The following PTPRD variants were observed in gnomAD, a reference collection of about 807,000 sequenced individuals.
The protein encoded by PTPRD is protein tyrosine phosphatase receptor type D, also known as receptor-type tyrosine-protein phosphatase delta.
Under a neutral mutation model 214.5 loss-of-function variants are expected in PTPRD, and 34 were observed. The observed-to-expected ratio is 0.16, with a 90% CI of 0.12 to 0.21. The LOEUF (loss-of-function observed/expected upper bound fraction) is 0.21. Among genes scored for constraint, PTPRD ranks in the 10% least tolerant of loss-of-function variants. PTPRD has a pLI of 1.00. For synonymous variants in PTPRD, 1,128 were observed against 845.7 expected, an observed-to-expected ratio of 1.33 and a Z score of -5.79; for missense variants, 2,545 against 2,398.7, an observed-to-expected ratio of 1.06 and a Z score of -1.27.
At chr9:8,888,958 T>C (rs2098514485) in intron 11 of PTPRD, among the ~76,000 whole-genome samples, 1 of 152,228 alleles carries the variant, frequency 6.6e-6, no homozygotes. Flanking sequence ...CCTTTCCTTA[T>C]AAGGTTATTG....
chr9:10,190,605 C>G (rs1160902500), intron 3 of PTPRD, among the ~76,000 whole-genome samples: 1 of 149,756 alleles, frequency 6.7e-6, no homozygotes, highest in Admixed American at 6.7e-5. Flanking sequence ...GTAATTCCAA[C>G]TGCTCGGGAG....
chr9:9,628,085 T>C (rs577891778), intron 7 of PTPRD, among the ~76,000 whole-genome samples: 2 of 152,336 alleles, frequency 1.3e-5, no homozygotes, highest in South Asian at 4.1e-4. Flanking sequence ...CCCACTTATA[T>C]TGTTTCTCAC....
chr9:9,680,524 C>A (rs1461285392), intron 7 of PTPRD, among the ~76,000 whole-genome samples: 1 of 151,626 alleles, frequency 6.6e-6, no homozygotes, highest in Non-Finnish European at 1.5e-5. Context: ...TTTATATTGT[C>A]CCAAAAGTGA....
At chr9:9,998,129 A>AAAATATAT (rs57991748) in intron 4 of PTPRD, among the ~76,000 whole-genome samples, 9 of 91,454 alleles carry the variant, frequency 9.8e-5, no homozygotes, top group African/African-American at 4.7e-4. Flanking sequence ...AAAAAAAAAA[A>AAAATATAT]ATATATATAT....
At chr9:9,682,624 CT>C (rs1297054894) in intron 7 of PTPRD, among the ~76,000 whole-genome samples, 5 of 151,764 alleles carry the variant, frequency 3.3e-5, no homozygotes, top group Middle Eastern at 6.8e-3. Context: ...CTTGGAAGTG[CT>C]TAGGGAGACA....
At chr9:9,214,760 C>T (rs550649296) in intron 9 of PTPRD, among the ~76,000 whole-genome samples, 19 of 152,268 alleles carry the variant, frequency 1.2e-4, no homozygotes, top group African/African-American at 4.3e-4. Context: ...TTCATACGTA[C>T]ATTTACATAG....
chr9:8,807,698 A>G (rs2154521425), intron 11 of PTPRD, among the ~76,000 whole-genome samples: 1 of 152,198 alleles, frequency 6.6e-6, no homozygotes, highest in African/African-American at 2.4e-5. Flanking sequence ...AGTTTATGAA[A>G]TAAAACACAA....
intron 11 of PTPRD, among the ~76,000 whole-genome samples, chr9:8,960,156 T>A (rs748466211): frequency 6.6e-6 from 1 of 152,094 alleles, no homozygotes; most frequent in Non-Finnish European, 1.5e-5. Context: ...CTCAATTTCC[T>A]TCTTTGTACA....
intron 2 of PTPRD, among the ~76,000 whole-genome samples, chr9:10,573,146 A>G (rs1202156236): frequency 1.3e-5 from 2 of 152,102 alleles, no homozygotes; most frequent in African/African-American, 2.4e-5. Flanking sequence ...CACCTCCCCC[A>G]CAAAAATAGA....
chr9:9,568,683 G>C (rs960708785), intron 8 of PTPRD, among the ~76,000 whole-genome samples: 5 of 151,824 alleles, frequency 3.3e-5, no homozygotes, highest in Non-Finnish European at 1.5e-5. Flanking sequence ...ATAATCAGAT[G>C]CTATGTCCCT....
At chr9:10,075,573 T>G (rs1007884511) in intron 3 of PTPRD, among the ~76,000 whole-genome samples, 3 of 152,044 alleles carry the variant, frequency 2.0e-5, no homozygotes, top group South Asian at 2.1e-4. Context: ...TTTTGTTCAC[T>G]GATAAATCAC....
At chr9:10,223,494 T>G (rs1261112727) in intron 3 of PTPRD, among the ~76,000 whole-genome samples, 2 of 151,742 alleles carry the variant, frequency 1.3e-5, no homozygotes, top group Non-Finnish European at 2.9e-5. Flanking sequence ...CAAAACCCTG[T>G]CTTTACTAAA....
chr9:8,799,530 T>G (rs558885313), intron 11 of PTPRD, among the ~76,000 whole-genome samples: 7 of 152,302 alleles, frequency 4.6e-5, no homozygotes, highest in Admixed American at 2.6e-4. Context: ...AGGAAGGAAG[T>G]GTTACCTTGC....
At chr9:10,305,894 C>G (rs148106026) in intron 3 of PTPRD, among the ~76,000 whole-genome samples, 6,067 of 152,088 alleles carry the variant, frequency 0.04, 423 homozygotes, top group African/African-American at 0.14. Context: ...ACTAGAAATA[C>G]CATTTGACCC....
intron 7 of PTPRD, among the ~76,000 whole-genome samples, chr9:9,596,946 A>T (rs2093397444): frequency 6.6e-6 from 1 of 152,056 alleles, no homozygotes. Flanking sequence ...AGAAAGGATT[A>T]TTCTGCCCCA....
chr9:8,788,201 C>A (rs569111922), intron 11 of PTPRD, among the ~76,000 whole-genome samples: 2 of 149,514 alleles, frequency 1.3e-5, no homozygotes, highest in African/African-American at 4.9e-5. Context: ...TTATGAGTAA[C>A]CATGGCCATA....
At chr9:8,603,431 G>C (rs1455207280) in intron 14 of PTPRD, among the ~76,000 whole-genome samples, 4 of 152,128 alleles carry the variant, frequency 2.6e-5, no homozygotes, top group Non-Finnish European at 5.9e-5. Flanking sequence ...TCCAGTCAGT[G>C]GTTTCAAAAG....
intron 14 of PTPRD, among the ~76,000 whole-genome samples, chr9:8,589,666 G>C (rs760632998): frequency 5.3e-5 from 8 of 152,170 alleles, no homozygotes; most frequent in Non-Finnish European, 8.8e-5. Context: ...AGCAGGGGTT[G>C]TTCCTCTCCA....
intron 5 of PTPRD, among the ~76,000 whole-genome samples, chr9:9,794,595 TTGA>T (rs2098990229): frequency 3.3e-5 from 5 of 152,180 alleles, no homozygotes; most frequent in Admixed American, 2.6e-4. Context: ...GAGATGAGTC[TTGA>T]TGATAATCAT....
Sources: gnomAD v4.1 joint callset for allele counts (sites outside exome capture counted in the v4.1 genomes callset) on GRCh38, gnomAD v4.1.1 for gene constraint, MANE v1.5 for transcripts, NCBI Gene and HGNC (gene_info 2026-07-23, HGNC 2026-07-21) for gene names.